PDS5A: variants seen among roughly 807,000 people sequenced by gnomAD.
PDS5A encodes PDS5 cohesin associated factor A, also known as sister chromatid cohesion protein PDS5 homolog A.
In PDS5A, 42 loss-of-function variants were observed where a neutral mutation model predicts 167.1. That is an observed-to-expected ratio of 0.25 (90% CI 0.20 to 0.33). The LOEUF is 0.33. Ranked by LOEUF, PDS5A falls within the 10% of genes least tolerant of loss-of-function variation. The probability of loss-of-function intolerance (pLI) is 1.00; values close to 1 mark genes in which losing one functional copy is unlikely to be tolerated. For missense variants in PDS5A, 1,033 were observed against 1,605.9 expected, an observed-to-expected ratio of 0.64 and a Z score of 6.10; for synonymous variants, 553 against 554.6, an observed-to-expected ratio of 1.00 and a Z score of 0.04.
intron 18 of PDS5A, among the ~76,000 whole-genome samples, chr4:39,877,884 T>C (rs968801058): frequency 2.0e-5 from 3 of 152,130 alleles, no homozygotes; most frequent in Admixed American, 2.0e-4. Flanking sequence ...CGTAAACCAT[T>C]GTACCCAGCC....
chr4:39,944,095 G>A (rs565099703), intron 2 of PDS5A, among the ~76,000 whole-genome samples: 2 of 146,726 alleles, frequency 1.4e-5, no homozygotes, highest in East Asian at 4.2e-4. Context: ...AGAGAATGGC[G>A]TGAACCCAGG....
intron 2 of PDS5A, chr4:39,973,130 AAAC>A: frequency 1.2e-6 from 1 of 852,778 alleles, no homozygotes; most frequent in Non-Finnish European, 2.0e-6. Context: ...GATCAATTTT[AAAC>A]AGCAGGAACA....
At chr4:39,827,594 G>A (rs1715439570) in intron 32 of PDS5A, among the ~76,000 whole-genome samples, 1 of 152,152 alleles carries the variant, frequency 6.6e-6, no homozygotes. Flanking sequence ...ATACTTAGGG[G>A]TTAATTTTGA....
At chr4:39,927,622 C>T (rs1001488596) in intron 3 of PDS5A, among the ~76,000 whole-genome samples, 2 of 152,142 alleles carry the variant, frequency 1.3e-5, no homozygotes, top group African/African-American at 4.8e-5. Context: ...TATGTAAATT[C>T]TGGTATGCTA....
intron 23 of PDS5A, among the ~76,000 whole-genome samples, chr4:39,863,803 C>T (rs1719199540): frequency 6.6e-6 from 1 of 152,166 alleles, no homozygotes; most frequent in Non-Finnish European, 1.5e-5. Flanking sequence ...CTGTATCCCT[C>T]ATTTTAAGAG....
rs78822372 is a variant in PDS5A at position 39,877,262 on chromosome 4, T to C, written c.1993-109A>G. On this transcript the variant is annotated intron_variant, in intron 18 of 32. Transcript: ENST00000303538. ...AAATTAAATTCTGGGGTAAATATGC[T>C]AGCTACACAGAATAGAGATACATCT... 2.6e-3 allele frequency: 1,626 copies of C among 631,510 alleles called. 16 individuals carry two copies. The highest frequency in any genetic ancestry group is 0.025 in the African/African-American group (1,359 of 53,686). 39.1% of individuals were successfully genotyped at this position (631,510 alleles called of 1,614,324 possible).
At chr4:39,827,510 C>A (rs1026066921) in intron 32 of PDS5A, among the ~76,000 whole-genome samples, 31 of 151,380 alleles carry the variant, frequency 2.0e-4, no homozygotes, top group African/African-American at 7.6e-4. Flanking sequence ...GAAAAATTCA[C>A]TTGTTACTAA....
intron 8 of PDS5A, among the ~76,000 whole-genome samples, chr4:39,915,016 ATT>A (rs774276374): frequency 4.6e-5 from 7 of 150,728 alleles, no homozygotes; most frequent in Non-Finnish European, 1.0e-4. Context: ...AGTATTAACT[ATT>A]TTAATTTTAA....
intron 2 of PDS5A, among the ~76,000 whole-genome samples, chr4:39,970,157 T>C (rs1017690002): frequency 6.6e-6 from 1 of 151,894 alleles, no homozygotes; most frequent in South Asian, 2.1e-4. Flanking sequence ...GCCTGTAATG[T>C]AGAACCTTAA....
chr4:39,966,593 G>C (rs925992379), intron 2 of PDS5A, among the ~76,000 whole-genome samples: 2 of 152,182 alleles, frequency 1.3e-5, no homozygotes, highest in Non-Finnish European at 2.9e-5. Flanking sequence ...CAACAAAACA[G>C]TAGGTATTTT....
chr4:39,902,486 AC>A, intron 12 of PDS5A, 26 bp from the exon 13 acceptor site: 1 of 1,152,938 alleles, frequency 8.7e-7, no homozygotes, highest in Non-Finnish European at 1.3e-6. Flanking sequence ...AACAAAAAAA[AC>A]CTAAGTGACA....
intron 16 of PDS5A, among the ~76,000 whole-genome samples, chr4:39,894,739 A>C (rs571853686): frequency 6.6e-6 from 1 of 152,352 alleles, no homozygotes; most frequent in South Asian, 2.1e-4. Context: ...AATTGAAATT[A>C]CATTTCTCTT....
intron 2 of PDS5A, among the ~76,000 whole-genome samples, chr4:39,928,698 G>A (rs1425732961): frequency 6.6e-6 from 1 of 151,902 alleles, no homozygotes; most frequent in African/African-American, 2.4e-5. Context: ...GGTAGCATGT[G>A]TCTGTAGTCC....
rs555380512 is a variant in PDS5A at position 39,891,858 on chromosome 4, A to G, written c.1771-1494T>C. Among the ~76,000 whole-genome samples, 5 of 151,626 alleles carry G rather than the reference A, an allele frequency of 3.3e-5. No individual in the cohort carries two copies. The South Asian group carries it at 1.0e-3, about 32-fold the overall frequency. On this transcript the variant is annotated intron_variant, in intron 16 of 32. Transcript: ENST00000303538. Reference sequence around the variant, plus strand: ...GAGCAGTGGCTCATGCCTGTAATCAAAGCACTTTGGGAGGCCAAGGCAGGT... The same window carrying G: ...GAGCAGTGGCTCATGCCTGTAATCAGAGCACTTTGGGAGGCCAAGGCAGGT...
chr4:39,932,091 C>A (rs770038653), intron 2 of PDS5A, among the ~76,000 whole-genome samples: 4 of 152,068 alleles, frequency 2.6e-5, no homozygotes, highest in Non-Finnish European at 5.9e-5. Flanking sequence ...CAGGATTTCA[C>A]CACGTTGGCT....
intron 2 of PDS5A, among the ~76,000 whole-genome samples, chr4:39,934,149 CG>C (rs1726352170): frequency 6.6e-6 from 1 of 152,158 alleles, no homozygotes; most frequent in African/African-American, 2.4e-5. Context: ...TACGGCTAAA[CG>C]TGTGTCCCTA....
chr4:39,950,899 T>A (rs1377296725), intron 2 of PDS5A, among the ~76,000 whole-genome samples: 1 of 152,026 alleles, frequency 6.6e-6, no homozygotes, highest in Non-Finnish European at 1.5e-5. Context: ...CCTGAATTTT[T>A]TTTTGGTTTT....
intron 2 of PDS5A, among the ~76,000 whole-genome samples, chr4:39,954,869 G>A (rs549325881): frequency 6.9e-4 from 105 of 151,496 alleles, no homozygotes; most frequent in African/African-American, 2.3e-3. Flanking sequence ...GACAAACCCC[G>A]TGTCTACAAA....
intron 2 of PDS5A, among the ~76,000 whole-genome samples, chr4:39,949,942 G>T (rs1303496040): frequency 6.6e-6 from 1 of 151,432 alleles, no homozygotes; most frequent in Non-Finnish European, 1.5e-5. Flanking sequence ...GTTTGCTCTT[G>T]TTGCCCAGGA....
Sources: allele counts gnomAD v4.1 joint callset (sites outside exome capture counted in the v4.1 genomes callset), GRCh38; gene constraint gnomAD v4.1.1; transcripts MANE v1.5; gene names NCBI Gene and HGNC (gene_info 2026-07-23, HGNC 2026-07-21).